SFMBT2: variants seen among roughly 807,000 people sequenced by gnomAD.
SFMBT2 encodes scm-like with four MBT domains protein 2.
In SFMBT2, 38 loss-of-function variants were observed where a neutral mutation model predicts 110.1. The observed-to-expected ratio is 0.35, with a 90% CI of 0.27 to 0.45. The LOEUF is 0.45. Ranked by LOEUF, SFMBT2 falls within the 20% of genes least tolerant of loss-of-function variation. The pLI, the probability that SFMBT2 is intolerant of heterozygous loss-of-function variation, is 1.00. For synonymous variants in SFMBT2, 425 were observed against 425.4 expected (o/e 1.00, Z 0.01); for missense variants, 1,011 against 1,094.9 (o/e 0.92, Z 1.08).
chr10:7,273,186 T>A (rs1256194824), intron 7 of SFMBT2, among the ~76,000 whole-genome samples: 1 of 152,238 alleles, frequency 6.6e-6, no homozygotes, highest in Admixed American at 6.5e-5. Context: ...AAGACAGACA[T>A]TTTTAGCCAC....
At chr10:7,395,185 G>A (rs893065179) in intron 1 of SFMBT2, among the ~76,000 whole-genome samples, 6 of 152,178 alleles carry the variant, frequency 3.9e-5, no homozygotes, top group Non-Finnish European at 8.8e-5. Flanking sequence ...CCAGCGTGGT[G>A]GCGCGCACCT....
chr10:7,406,339 G>A (rs774177587), intron 1 of SFMBT2, among the ~76,000 whole-genome samples: 3 of 151,634 alleles, frequency 2.0e-5, no homozygotes, highest in Non-Finnish European at 4.4e-5. Flanking sequence ...TTTCCTTTAC[G>A]GACTTCTTAG....
Position 7,283,885 on chromosome 10 carries a change from CA to C in SFMBT2, c.772+18del. 6.6e-7 allele frequency: 1 copy of C among 1,513,238 alleles called. No homozygotes were observed. Among genetic ancestry groups the C allele is most frequent in the Non-Finnish European group, 9.2e-7 (1 of 1,090,736 alleles). The allele number at this position is 1,513,238 out of a possible 1,614,324, so 93.7% of individuals were successfully genotyped here. A position where few individuals can be genotyped will look rare whatever the true frequency, so the allele number is the denominator to read the frequency against. On this transcript the variant is annotated intron_variant, in intron 6 of 20. Coordinates refer to ENST00000397167, the MANE Select transcript of SFMBT2 (RefSeq NM_001387889.1). ...CTTTTTCTAAAATACTTTACAGCAG[CA>C]AAAGCTTTGGCCCTTACCTGAAGGT...
intron 4 of SFMBT2, among the ~76,000 whole-genome samples, chr10:7,297,829 G>A (rs1425488255): frequency 6.6e-6 from 1 of 152,214 alleles, no homozygotes; most frequent in Non-Finnish European, 1.5e-5. Context: ...GCAAGAGTGT[G>A]ACCTGGGTGA....
Position 7,176,013 on chromosome 10 carries a change from G to C in SFMBT2, c.1961C>G (p.Ser654Cys), listed in dbSNP as rs554181230. 1.2e-6 allele frequency: 2 copies of C among 1,614,110 alleles called. No individual in the cohort carries two copies. The highest frequency in any genetic ancestry group is 1.7e-5 in the Admixed American group (1 of 60,018). Residue 654 changes from serine (S) to cysteine (C), a missense_variant, in exon 17 of 21, where the codon TCC becomes TGC. This residue lies in a region of SFMBT2 where 979 missense variants were observed against 1,016.1 expected (regional missense o/e 0.96). Transcript: ENST00000397167. ...ACTGTATTTGGTTTTGGTATGAATG[G>C]AGCAGTTCTCTGGGCAGTTTTCAGA... is the stretch of plus-strand genomic sequence containing the variant. Reference protein sequence around the residue: ...LISENCPENCSIHTKTKYTYY... With the variant: ...LISENCPENCCIHTKTKYTYY...
At chr10:7,318,898 A>G (rs1843091697) in intron 4 of SFMBT2, among the ~76,000 whole-genome samples, 2 of 152,264 alleles carry the variant, frequency 1.3e-5, no homozygotes, top group African/African-American at 4.8e-5. Context: ...AGGAATTGAG[A>G]GTAAACCATG....
At chr10:7,262,140 T>A (rs1361585836) in intron 7 of SFMBT2, among the ~76,000 whole-genome samples, 1 of 152,232 alleles carries the variant, frequency 6.6e-6, no homozygotes, top group African/African-American at 2.4e-5. Context: ...TCTCTTTACA[T>A]CAGGTTTCTC....
intron 4 of SFMBT2, among the ~76,000 whole-genome samples, chr10:7,328,144 C>T (rs1843452841): frequency 1.3e-5 from 2 of 152,166 alleles, no homozygotes. Context: ...TTGATATTGT[C>T]AGTTTTTTAT....
At chr10:7,232,329 C>T (rs780968778) in intron 9 of SFMBT2, among the ~76,000 whole-genome samples, 13 of 152,044 alleles carry the variant, frequency 8.6e-5, no homozygotes, top group Admixed American at 2.6e-4. Context: ...TACCCTTTGA[C>T]GCAACCATTT....
intron 16 of SFMBT2, among the ~76,000 whole-genome samples, chr10:7,183,835 C>A (rs1301600894): frequency 2.0e-5 from 3 of 152,208 alleles, no homozygotes; most frequent in Non-Finnish European, 2.9e-5. Context: ...GCTCCCAGCT[C>A]CCTTTCCCGT....
In SFMBT2 at chr10:7,387,561, C is replaced by CG. The variant is rs996086921; in HGVS notation, c.-51-5613dup. Among the ~76,000 whole-genome samples the CG allele has an allele frequency of 1.8e-4, 28 of 151,674 alleles. No homozygotes were observed. The East Asian group carries it at 5.4e-3, about 29-fold the overall frequency. On this transcript the variant is annotated intron_variant, in intron 1 of 20. Transcript: ENST00000397167. Reference sequence around the variant, plus strand: ...GATAGGAAGGCGAGCTTGGGTGGGCCGGGGGGTGCATCAAAGCGGAACAGA... The same window carrying CG: ...GATAGGAAGGCGAGCTTGGGTGGGCCGGGGGGGTGCATCAAAGCGGAACAGA...
At chr10:7,224,738 T>C (rs1294840595) in intron 10 of SFMBT2, among the ~76,000 whole-genome samples, 2 of 152,152 alleles carry the variant, frequency 1.3e-5, no homozygotes, top group Non-Finnish European at 2.9e-5. Context: ...TTAAAATAAA[T>C]ATAAAATTTT....
chr10:7,225,191 A>G (rs1279812883), intron 10 of SFMBT2, among the ~76,000 whole-genome samples: 2 of 152,262 alleles, frequency 1.3e-5, no homozygotes, highest in Admixed American at 6.5e-5. Flanking sequence ...GAAAGCTACA[A>G]CCACATAACC....
chr10:7,247,425 T>C (rs947453488), intron 8 of SFMBT2, among the ~76,000 whole-genome samples: 9 of 152,158 alleles, frequency 5.9e-5, no homozygotes, highest in Non-Finnish European at 1.3e-4. Flanking sequence ...CTCCGAAAGT[T>C]ATCCTTGAAA....
intron 4 of SFMBT2, among the ~76,000 whole-genome samples, chr10:7,349,552 G>A (rs1844244006): frequency 7.5e-6 from 1 of 133,948 alleles, no homozygotes; most frequent in Non-Finnish European, 1.5e-5. Context: ...CCACCTCCCA[G>A]GTTCATGCAA....
intron 7 of SFMBT2, among the ~76,000 whole-genome samples, chr10:7,260,994 C>T (rs756899634): frequency 4.6e-5 from 7 of 151,820 alleles, no homozygotes; most frequent in Admixed American, 1.3e-4. Context: ...GTTTGAGGTA[C>T]GTCTGTGCAT....
At chr10:7,349,440 C>CATTTT (rs376775656) in intron 4 of SFMBT2, among the ~76,000 whole-genome samples, 1 of 46,888 alleles carries the variant, frequency 2.1e-5, no homozygotes, top group Admixed American at 4.1e-4. Flanking sequence ...CTTTTCTTTT[C>CATTTT]TTTTTTTTTT....
intron 4 of SFMBT2, among the ~76,000 whole-genome samples, chr10:7,343,849 G>A (rs762246469): frequency 4.6e-5 from 7 of 152,176 alleles, no homozygotes; most frequent in African/African-American, 1.2e-4. Context: ...AAAATGTGAC[G>A]TTATCACTAC....
chr10:7,315,653 C>A (rs1842989551), intron 4 of SFMBT2, among the ~76,000 whole-genome samples: 1 of 152,204 alleles, frequency 6.6e-6, no homozygotes, highest in Non-Finnish European at 1.5e-5. Flanking sequence ...CTCTCAATAT[C>A]ACCATCCTAC....
Sources: gnomAD v4.1 joint callset for allele counts (sites outside exome capture counted in the v4.1 genomes callset) on GRCh38, gnomAD v4.1.1 for gene constraint, gnomAD v4.1.1 regional missense constraint, MANE v1.5 for transcripts, NCBI Gene and HGNC (gene_info 2026-07-23, HGNC 2026-07-21) for gene names.